Variants in ROBO1 observed in about 807,000 individuals in gnomAD.
ROBO1 encodes roundabout homolog 1.
In ROBO1, 149 loss-of-function variants were observed where a neutral mutation model predicts 195.9. The ratio of observed to expected loss-of-function variants is 0.76; its 90% confidence interval spans 0.67 to 0.87. The LOEUF (loss-of-function observed/expected upper bound fraction) is 0.87. Ranked by LOEUF, ROBO1 falls within the 40% of genes least tolerant of loss-of-function variation. The pLI, the probability that ROBO1 is intolerant of heterozygous loss-of-function variation, is 0.00. For missense variants in ROBO1, 1,933 were observed against 2,068.3 expected (o/e 0.93, Z 1.27); for synonymous variants, 816 against 733.2 (o/e 1.11, Z -1.82).
At chr3:79,316,038 T>C (rs567918932) in intron 2 of ROBO1, among the ~76,000 whole-genome samples, 1 of 152,264 alleles carries the variant, frequency 6.6e-6, no homozygotes, top group Admixed American at 6.5e-5. Context: ...CTAACCTCAA[T>C]AGGGACAGGG....
At chr3:78,959,802 TG>T (rs1231344611) in intron 3 of ROBO1, among the ~76,000 whole-genome samples, 21 of 152,354 alleles carry the variant, frequency 1.4e-4, no homozygotes, top group African/African-American at 5.0e-4. Flanking sequence ...ATATAGCATC[TG>T]GTGTTTAATA....
At chr3:79,107,591 A>G (rs1243587725) in intron 3 of ROBO1, among the ~76,000 whole-genome samples, 5 of 151,700 alleles carry the variant, frequency 3.3e-5, no homozygotes, top group Non-Finnish European at 5.9e-5. Context: ...GTGGCTGAAA[A>G]GGACTGCTTG....
intron 8 of ROBO1, among the ~76,000 whole-genome samples, chr3:78,695,556 C>T (rs1194224215): frequency 2.8e-5 from 4 of 144,148 alleles, no homozygotes; most frequent in African/African-American, 7.8e-5. Context: ...ATCCTGGAGG[C>T]GGAGGTTGCA....
intron 1 of ROBO1, among the ~76,000 whole-genome samples, chr3:79,623,457 G>C (rs1353444699): frequency 6.6e-6 from 1 of 152,152 alleles, no homozygotes; most frequent in Non-Finnish European, 1.5e-5. Flanking sequence ...TTGATAAAAT[G>C]TTAGAGGAAT....
At chr3:79,269,965 G>A (rs1286157838) in intron 2 of ROBO1, among the ~76,000 whole-genome samples, 1 of 151,788 alleles carries the variant, frequency 6.6e-6, no homozygotes, top group Non-Finnish European at 1.5e-5. Flanking sequence ...TTTCCTCAAA[G>A]AGGAAAATCT....
At chr3:79,137,563 A>G (rs185635796) in intron 2 of ROBO1, among the ~76,000 whole-genome samples, 7 of 152,246 alleles carry the variant, frequency 4.6e-5, no homozygotes, top group African/African-American at 1.7e-4. Context: ...TTAATAGAAC[A>G]CATCATTTTA....
intron 3 of ROBO1, among the ~76,000 whole-genome samples, chr3:78,958,087 T>A (rs1471050240): frequency 2.6e-5 from 4 of 152,222 alleles, no homozygotes; most frequent in Non-Finnish European, 4.4e-5. Flanking sequence ...TAGGACAATA[T>A]ATAATACAGT....
chr3:79,704,432 CAT>C (rs1467456980), intron 1 of ROBO1, among the ~76,000 whole-genome samples: 1 of 151,910 alleles, frequency 6.6e-6, no homozygotes, highest in Non-Finnish European at 1.5e-5. Context: ...TGACTAGAAT[CAT>C]ACAGCTGGAA....
chr3:79,560,721 A>G (rs2107708876), intron 2 of ROBO1, among the ~76,000 whole-genome samples: 1 of 151,952 alleles, frequency 6.6e-6, no homozygotes, highest in Non-Finnish European at 1.5e-5. Flanking sequence ...TGTCATCATC[A>G]ACAAGAAATG....
intron 4 of ROBO1, among the ~76,000 whole-genome samples, chr3:78,859,958 G>T (rs921569107): frequency 6.6e-6 from 1 of 151,808 alleles, no homozygotes; most frequent in African/African-American, 2.4e-5. Flanking sequence ...GGACGCCTGT[G>T]GTCCCAGCTA....
intron 1 of ROBO1, among the ~76,000 whole-genome samples, chr3:79,667,954 A>G (rs1004826021): frequency 4.0e-5 from 6 of 151,816 alleles, no homozygotes; most frequent in Non-Finnish European, 5.9e-5. Flanking sequence ...TTTAGGAATT[A>G]AGACATACTG....
intron 2 of ROBO1, among the ~76,000 whole-genome samples, chr3:79,543,320 T>G (rs1010221601): frequency 6.6e-6 from 1 of 152,096 alleles, no homozygotes; most frequent in Non-Finnish European, 1.5e-5. Context: ...AACTGACATT[T>G]TTCTTGTTCT....
intron 1 of ROBO1, among the ~76,000 whole-genome samples, chr3:79,683,639 T>C (rs1947014294): frequency 6.6e-6 from 1 of 152,088 alleles, no homozygotes; most frequent in South Asian, 2.1e-4. Flanking sequence ...CAATCACTAA[T>C]CTACTTTCTG....
intron 2 of ROBO1, among the ~76,000 whole-genome samples, chr3:79,441,171 T>C (rs1232822454): frequency 5.3e-5 from 8 of 152,144 alleles, no homozygotes; most frequent in African/African-American, 1.9e-4. Flanking sequence ...GTATATTACA[T>C]TTATTAGTAA....
Position 78,685,742 on chromosome 3 carries a change from T to TTA in ROBO1, c.1342+2_1342+3dup. On this transcript the variant is annotated splice_donor_region_variant and intron_variant, in intron 10 of 30. Coordinates refer to ENST00000464233, the MANE Select transcript of ROBO1 (RefSeq NM_002941.4). ...ATTTTGAAATAAAATGTTTTACACT[T>TTA]TACCATCTGTAACTTCCAAATATGC... 6.3e-7 allele frequency: 1 copy of TTA among 1,594,924 alleles called. No homozygotes were observed. The highest frequency in any genetic ancestry group is 8.6e-7 in the Non-Finnish European group (1 of 1,166,546).
intron 27 of ROBO1, among the ~76,000 whole-genome samples, chr3:78,617,201 A>G (rs1157658): frequency 0.59 from 89,932 of 151,920 alleles, 27,184 homozygotes; most frequent in Middle Eastern, 0.73. Context: ...CAGAATTTTT[A>G]TTTAAACAAG....
At chr3:79,373,884 T>G (rs1404857007) in intron 2 of ROBO1, among the ~76,000 whole-genome samples, 1 of 152,208 alleles carries the variant, frequency 6.6e-6, no homozygotes, top group Non-Finnish European at 1.5e-5. Flanking sequence ...CCTTTAGATC[T>G]ATAAAGCAAT....
intron 2 of ROBO1, among the ~76,000 whole-genome samples, chr3:79,550,159 GAA>G (rs1311272975): frequency 2.9e-5 from 3 of 102,164 alleles, no homozygotes; most frequent in African/African-American, 1.5e-4. Flanking sequence ...AAGGAAGAAA[GAA>G]AGAAAGGAAG....
chr3:79,202,932 T>G (rs1332596241), intron 2 of ROBO1, among the ~76,000 whole-genome samples: 1 of 152,138 alleles, frequency 6.6e-6, no homozygotes, highest in Non-Finnish European at 1.5e-5. Context: ...TTCTCCTAAC[T>G]GCAAAGGAAT....
Sources: gnomAD v4.1 joint callset for allele counts (sites outside exome capture counted in the v4.1 genomes callset) on GRCh38, gnomAD v4.1.1 for gene constraint, MANE v1.5 for transcripts, NCBI Gene and HGNC (gene_info 2026-07-23, HGNC 2026-07-21) for gene names.